The following WDTC1 variants were observed in gnomAD, a reference collection of about 807,000 sequenced individuals.
WDTC1 encodes the protein WD and tetratricopeptide repeats 1, also known as WD and tetratricopeptide repeats protein 1.
WDTC1 carries 12 observed loss-of-function variants against 76.0 expected under a neutral mutation model. That is an observed-to-expected ratio of 0.16 (90% CI 0.10 to 0.26). The LOEUF (loss-of-function observed/expected upper bound fraction) is 0.26, where lower values mean the gene tolerates loss of function less well. Ranked by LOEUF, WDTC1 falls within the 10% of genes least tolerant of loss-of-function variation. The pLI is 1.00. For missense variants in WDTC1, 511 were observed against 908.8 expected, an observed-to-expected ratio of 0.56 and a Z score of 5.63; for synonymous variants, 326 against 350.8, an observed-to-expected ratio of 0.93 and a Z score of 0.79.
intron 1 of WDTC1, chr1:27,255,471 A>T (rs1238690311): frequency 2.0e-5 from 3 of 152,332 alleles, no homozygotes; most frequent in Admixed American, 2.0e-4. Context: ...TGTTTAAGAC[A>T]AGTGCAGTAG....
chr1:27,235,073 G>A (rs2147890719), intron 1 of WDTC1, 122 bp downstream of exon 1: 1 of 324,740 alleles, frequency 3.1e-6, no homozygotes, highest in South Asian at 1.6e-4. Flanking sequence ...GGGGGCCTGA[G>A]CCTACCCGCC....
chr1:27,269,852 C>T (rs898299105), intron 3 of WDTC1, among the ~76,000 whole-genome samples: 7 of 151,934 alleles, frequency 4.6e-5, no homozygotes, highest in Non-Finnish European at 8.8e-5. Flanking sequence ...CCTTGTGATC[C>T]GCCTGCCTCG....
chr1:27,272,435 A>G (rs1299181187), intron 3 of WDTC1, among the ~76,000 whole-genome samples: 1 of 152,212 alleles, frequency 6.6e-6, no homozygotes, highest in Non-Finnish European at 1.5e-5. Flanking sequence ...TTCAGTGTAA[A>G]GATAAAATGA....
intron 3 of WDTC1, among the ~76,000 whole-genome samples, chr1:27,278,277 A>G (rs2013088331): frequency 6.6e-6 from 1 of 152,226 alleles, no homozygotes; most frequent in East Asian, 1.9e-4. Flanking sequence ...GTAGTGATAT[A>G]GACCATATGG....
chr1:27,300,866 G>A (rs2013814319), intron 12 of WDTC1, among the ~76,000 whole-genome samples: 1 of 152,238 alleles, frequency 6.6e-6, no homozygotes, highest in Non-Finnish European at 1.5e-5. Flanking sequence ...GATGGGGGAA[G>A]AGAGAAGGAG....
rs71584875 is a variant in WDTC1 at position 27,251,033 on chromosome 1, A to ATTTTTTTTTTTT, written c.-99-9897_-99-9886dup. On this transcript the variant is annotated intron_variant, in intron 1 of 15. Coordinates refer to ENST00000319394, the MANE Select transcript of WDTC1 (RefSeq NM_001276252.2). ...TGGCGTGCACCACTACTCCTGGCTA[A>ATTTTTTTTTTTT]TTTTTTTTTTTTTTTTTTTTTTTTT... Among the ~76,000 whole-genome samples, 9 of 28,686 alleles carry ATTTTTTTTTTTT rather than the reference A, an allele frequency of 3.1e-4. 2 individuals are homozygous for ATTTTTTTTTTTT. The highest frequency in any genetic ancestry group is 5.6e-4 in the Non-Finnish European group (7 of 12,590). 18.8% of individuals were successfully genotyped at this position (28,686 alleles called of 152,430 possible).
chr1:27,252,003 G>A (rs892686811), intron 1 of WDTC1, among the ~76,000 whole-genome samples: 5 of 151,720 alleles, frequency 3.3e-5, no homozygotes, highest in African/African-American at 9.7e-5. Context: ...AGCCAAGATC[G>A]CGCCACTGCA....
At chr1:27,254,107 CAAAAACAAA>C (rs2012191853) in intron 1 of WDTC1, among the ~76,000 whole-genome samples, 1 of 150,090 alleles carries the variant, frequency 6.7e-6, no homozygotes, top group African/African-American at 2.5e-5. Flanking sequence ...GTTTTAAAAA[CAAAAACAAA>C]AAAAAGAAAA....
At chr1:27,265,067 G>A (rs1014374159) in intron 3 of WDTC1, among the ~76,000 whole-genome samples, 2 of 152,148 alleles carry the variant, frequency 1.3e-5, no homozygotes, top group African/African-American at 4.8e-5. Flanking sequence ...ACCACCCAAA[G>A]TGCTTGGATT....
intron 4 of WDTC1, 100 bp downstream of exon 4, chr1:27,282,385 C>T: frequency 8.1e-7 from 1 of 1,231,838 alleles, no homozygotes; most frequent in Non-Finnish European, 1.2e-6. Flanking sequence ...AAGATTGGAC[C>T]CAAATGAAAA....
Position 27,301,611 on chromosome 1 carries a change from C to A in WDTC1, c.1468+150C>A. 1 of 888,242 alleles carries A rather than the reference C, an allele frequency of 1.1e-6. No homozygotes were observed. Among genetic ancestry groups the A allele is most frequent in the Non-Finnish European group, 1.7e-6 (1 of 583,970 alleles). 55.0% of individuals were successfully genotyped at this position (888,242 alleles called of 1,614,324 possible). On this transcript the variant is annotated intron_variant, in intron 13 of 15. Coordinates refer to ENST00000319394, the MANE Select transcript of WDTC1 (RefSeq NM_001276252.2). The surrounding 1 kb of genome is among the most constrained non-coding windows in gnomAD (Gnocchi z 5.8). ...CAACTTTGGGGCAGTTACTTGGTGT[C>A]TCTCTCAGAGTGTTTCCTGGTCTGA...
chr1:27,259,323 CTTT>C (rs57081638), intron 1 of WDTC1, among the ~76,000 whole-genome samples: 1 of 106,330 alleles, frequency 9.4e-6, no homozygotes, highest in Admixed American at 9.9e-5. Context: ...CCATGCCCAA[CTTT>C]TTTTTTTTTT....
chr1:27,267,303 A>G (rs2012706684), intron 3 of WDTC1, among the ~76,000 whole-genome samples: 1 of 149,396 alleles, frequency 6.7e-6, no homozygotes, highest in African/African-American at 2.5e-5. Context: ...GCTGTGGTGC[A>G]GTGGCCAATC....
At chr1:27,282,101 C>A in intron 3 of WDTC1, 138 bp from the exon 4 acceptor site, 2 of 720,550 alleles carry the variant, frequency 2.8e-6, no homozygotes, top group Non-Finnish European at 4.7e-6. Flanking sequence ...TTTAAGTCCA[C>A]TTTGGCCACT....
At chr1:27,271,451 G>C (rs1048546533) in intron 3 of WDTC1, among the ~76,000 whole-genome samples, 2 of 152,010 alleles carry the variant, frequency 1.3e-5, no homozygotes, top group African/African-American at 2.4e-5. Flanking sequence ...CTGGCCTCAA[G>C]TGACCTGCCT....
intron 5 of WDTC1, among the ~76,000 whole-genome samples, chr1:27,287,175 C>A (rs1290729299): frequency 1.0e-4 from 15 of 148,610 alleles, no homozygotes; most frequent in African/African-American, 3.2e-4. Context: ...AAAAAAAAAA[C>A]AAAAAAAACC....
rs958955803 is a variant in WDTC1, at chr1:27,291,509, C to T, written c.480-706C>T. ...AGAGGGGAGAGCATATAGGTGATGTCCCCCCTACCCACCACTCTCTGAGGA... is the reference window on the plus strand; with the variant it reads ...AGAGGGGAGAGCATATAGGTGATGTTCCCCCTACCCACCACTCTCTGAGGA... On this transcript the variant is annotated intron_variant, in intron 6 of 15. Coordinates refer to ENST00000319394, the MANE Select transcript of WDTC1 (RefSeq NM_001276252.2). Among the ~76,000 whole-genome samples the T allele has an allele frequency of 3.3e-5, 5 of 152,196 alleles. No individual in the cohort carries two copies. The East Asian group carries it at 5.8e-4, about 18-fold the overall frequency.
At chr1:27,264,690 G>T (rs1043530620) in intron 3 of WDTC1, among the ~76,000 whole-genome samples, 12 of 152,016 alleles carry the variant, frequency 7.9e-5, no homozygotes, top group African/African-American at 2.9e-4. Flanking sequence ...GTCTTGCTGT[G>T]TTGCCCAAGC....
At chr1:27,245,089 T>C (rs1446755429) in intron 1 of WDTC1, among the ~76,000 whole-genome samples, 1 of 151,662 alleles carries the variant, frequency 6.6e-6, no homozygotes, top group Non-Finnish European at 1.5e-5. Flanking sequence ...AGACCCTAGA[T>C]CTCCCAGTCC....
Sources: gnomAD v4.1 joint callset for allele counts (sites outside exome capture counted in the v4.1 genomes callset) on GRCh38, gnomAD v4.1.1 for gene constraint, Gnocchi (gnomAD v3.1) non-coding constraint, MANE v1.5 for transcripts, NCBI Gene and HGNC (gene_info 2026-07-23, HGNC 2026-07-21) for gene names.